Variants in ALDH5A1 observed in about 807,000 individuals in gnomAD.
The protein encoded by ALDH5A1 is aldehyde dehydrogenase 5 family member A1, also known as succinate-semialdehyde dehydrogenase, mitochondrial.
Under a neutral mutation model 54.7 loss-of-function variants are expected in ALDH5A1, and 33 were observed. The ratio of observed to expected loss-of-function variants is 0.60; its 90% CI spans 0.46 to 0.81. ALDH5A1 has a LOEUF of 0.81. Among genes scored for constraint, ALDH5A1 ranks in the 30% least tolerant of loss-of-function variants. The pLI is 0.00. For synonymous variants in ALDH5A1, 294 were observed against 292.7 expected (o/e 1.00, Z -0.05); for missense variants, 657 against 711.0 (o/e 0.92, Z 0.86).
chr6:24,496,711 T>C (rs1764713797), intron 1 of ALDH5A1, among the ~76,000 whole-genome samples: 1 of 152,202 alleles, frequency 6.6e-6, no homozygotes, highest in Admixed American at 6.5e-5. Flanking sequence ...GAATGAATCT[T>C]CCCTGTGTGT....
intron 1 of ALDH5A1, among the ~76,000 whole-genome samples, chr6:24,501,568 C>T (rs1042027880): frequency 6.6e-6 from 1 of 150,564 alleles, no homozygotes; most frequent in Non-Finnish European, 1.5e-5. Flanking sequence ...AATAGCTGAG[C>T]GTGATGATGT....
At position 24,504,864 on chromosome 6, in the gene ALDH5A1, C is replaced by T. The variant is rs76752785; in HGVS notation, c.610-5C>T. ...CACATACTTCCTCTGCTCTTCTAAC[C>T]CCAGTGGAATTTCCCCAGTGCCATG... On this transcript the variant is annotated splice_region_variant and splice_polypyrimidine_tract_variant and intron_variant, in intron 3 of 9. Transcript: ENST00000357578. 0.015 allele frequency: 24,809 copies of T among 1,612,674 alleles called. 836 individuals are homozygous for T. Among genetic ancestry groups the T allele is most frequent in the African/African-American group, 0.14 (10,306 of 74,958 alleles).
intron 4 of ALDH5A1, among the ~76,000 whole-genome samples, chr6:24,514,752 CTT>C (rs1437916833): frequency 6.6e-6 from 1 of 151,446 alleles, no homozygotes; most frequent in African/African-American, 2.4e-5. Context: ...AAGAAAGAAA[CTT>C]ATACTCTAAG....
intron 4 of ALDH5A1, among the ~76,000 whole-genome samples, chr6:24,506,409 C>T (rs1430405979): frequency 6.6e-6 from 1 of 151,738 alleles, no homozygotes; most frequent in African/African-American, 2.4e-5. Context: ...CCCGTCACCA[C>T]ACCCAGCTAA....
At chr6:24,525,099 A>T (rs1759775284) in intron 7 of ALDH5A1, among the ~76,000 whole-genome samples, 1 of 152,294 alleles carries the variant, frequency 6.6e-6, no homozygotes, top group Admixed American at 6.5e-5. Flanking sequence ...AAAACACTTC[A>T]TTGTGTTGGC....
chr6:24,516,163 G>A (rs948726396), intron 5 of ALDH5A1, among the ~76,000 whole-genome samples: 3 of 151,952 alleles, frequency 2.0e-5, no homozygotes, highest in African/African-American at 4.8e-5. Context: ...AGGGCCGGGC[G>A]CGGTGGCTCA....
At chr6:24,524,202 C>T (rs971143510) in intron 7 of ALDH5A1, among the ~76,000 whole-genome samples, 4 of 152,112 alleles carry the variant, frequency 2.6e-5, no homozygotes, top group Non-Finnish European at 5.9e-5. Context: ...CCAGACTGCT[C>T]TCGAACTCCT....
At position 24,535,072 on chromosome 6, in the gene ALDH5A1, A is replaced by C. The variant is rs1287740411; in HGVS notation, c.*1360A>C. The C allele has an allele frequency of 1.3e-5, 2 of 152,258 alleles. No individual in the cohort carries two copies. The highest frequency in any genetic ancestry group is 2.9e-5 in the Non-Finnish European group (2 of 68,046). The allele number at this position is 152,258 out of a possible 1,614,324, so 9.4% of individuals were successfully genotyped here. ...CAGATGCAAATCCAATTAGGCGGCC[A>C]AGTAGGTGGAGACGAAGCACCTTCC... On this transcript the variant is annotated 3_prime_UTR_variant, in exon 10 of 10. Coordinates refer to ENST00000357578, the MANE Select transcript of ALDH5A1 (RefSeq NM_001080.3).
At chr6:24,495,889 G>A (rs1378396187) in intron 1 of ALDH5A1, among the ~76,000 whole-genome samples, 3 of 152,168 alleles carry the variant, frequency 2.0e-5, no homozygotes, top group African/African-American at 7.2e-5. Flanking sequence ...AGAAATCCAG[G>A]AGCGTTCTCC....
At chr6:24,511,440 TC>T (rs1351548893) in intron 4 of ALDH5A1, among the ~76,000 whole-genome samples, 5 of 152,194 alleles carry the variant, frequency 3.3e-5, no homozygotes, top group Admixed American at 1.3e-4. Flanking sequence ...ATTCTCTTCT[TC>T]CTCAGGAACA....
At chr6:24,508,804 T>C (rs772131733) in intron 4 of ALDH5A1, among the ~76,000 whole-genome samples, 16 of 152,236 alleles carry the variant, frequency 1.1e-4, no homozygotes, top group Non-Finnish European at 1.9e-4. Context: ...TTTTTTACTA[T>C]GACCAACCTT....
At chr6:24,505,943 G>A (rs945085588) in intron 4 of ALDH5A1, among the ~76,000 whole-genome samples, 6 of 151,662 alleles carry the variant, frequency 4.0e-5, no homozygotes, top group African/African-American at 1.5e-4. Context: ...ACTCCAGCCT[G>A]GGCAACAGAG....
At chr6:24,498,827 G>A (rs1174537168) in intron 1 of ALDH5A1, among the ~76,000 whole-genome samples, 9 of 152,122 alleles carry the variant, frequency 5.9e-5, no homozygotes, top group Non-Finnish European at 1.3e-4. Flanking sequence ...GGCCAGACAC[G>A]GTGGCTCACA....
intron 5 of ALDH5A1, among the ~76,000 whole-genome samples, chr6:24,515,614 C>T (rs1287034162): frequency 1.3e-5 from 2 of 152,090 alleles, no homozygotes; most frequent in Non-Finnish European, 2.9e-5. Context: ...CCCAGGTACC[C>T]AGGTGACTGA....
At chr6:24,505,652 C>A (rs1175059470) in intron 4 of ALDH5A1, among the ~76,000 whole-genome samples, 1 of 152,138 alleles carries the variant, frequency 6.6e-6, no homozygotes, top group East Asian at 1.9e-4. Flanking sequence ...CCCAGGGAGG[C>A]CTTCCATGGC....
chr6:24,531,703 A>G (rs574247115), intron 8 of ALDH5A1, among the ~76,000 whole-genome samples: 7 of 152,344 alleles, frequency 4.6e-5, no homozygotes, highest in East Asian at 1.9e-4. Context: ...TGGAGGACAC[A>G]TTAGAACCTG....
At position 24,528,018 on chromosome 6, in the gene ALDH5A1, GCCGTTTCTAAAGGTGCCA is replaced by G; in HGVS notation, c.1201_1218del (p.Ser401_Val406del). Reference sequence around the variant, plus strand: ...ACAGGTGGAGAAACAGGTGAATGATGCCGTTTCTAAAGGTGCCACCGTTGTGACAGGTGGAAAACGACA... The same window carrying G: ...ACAGGTGGAGAAACAGGTGAATGATGCCGTTGTGACAGGTGGAAAACGACA... On this transcript the variant is annotated inframe_deletion, in exon 8 of 10. Coordinates refer to ENST00000357578, the MANE Select transcript of ALDH5A1 (RefSeq NM_001080.3). The G allele has an allele frequency of 1.9e-6, 3 of 1,614,028 alleles. No homozygotes were observed. The highest frequency in any genetic ancestry group is 2.5e-6 in the Non-Finnish European group (3 of 1,179,978).
At chr6:24,501,509 C>T (rs1764816830) in intron 1 of ALDH5A1, among the ~76,000 whole-genome samples, 1 of 152,116 alleles carries the variant, frequency 6.6e-6, no homozygotes, top group African/African-American at 2.4e-5. Flanking sequence ...AATGTAGTGC[C>T]TGAGTCACAT....
intron 4 of ALDH5A1, among the ~76,000 whole-genome samples, chr6:24,506,044 A>G (rs1008409399): frequency 2.0e-5 from 3 of 151,664 alleles, no homozygotes; most frequent in Non-Finnish European, 4.4e-5. Flanking sequence ...CAGAACACCT[A>G]AAACTACCTA....
Sources: gnomAD v4.1 joint callset for allele counts (sites outside exome capture counted in the v4.1 genomes callset) on GRCh38, gnomAD v4.1.1 for gene constraint, MANE v1.5 for transcripts, NCBI Gene and HGNC (gene_info 2026-07-23, HGNC 2026-07-21) for gene names.